The following DDX1 variants were observed in gnomAD, a reference collection of about 807,000 sequenced individuals.
DDX1 encodes the protein DEAD-box helicase 1.
In DDX1, 28 loss-of-function variants were observed where a neutral mutation model predicts 108.7. The observed-to-expected ratio is 0.26, with a 90% CI of 0.19 to 0.35. The LOEUF is 0.35. DDX1 is among the 10% of genes least tolerant of loss of function. DDX1 has a pLI of 1.00. For missense variants in DDX1, 710 were observed against 884.5 expected, an observed-to-expected ratio of 0.80 and a Z score of 2.50; for synonymous variants, 295 against 288.9, an observed-to-expected ratio of 1.02 and a Z score of -0.21.
Position 15,629,669 on chromosome 2 carries a change from G to C in DDX1, c.1943G>C (p.Gly648Ala). 6.3e-7 allele frequency: 1 copy of C among 1,587,774 alleles called. No individual in the cohort carries two copies. The highest frequency in any genetic ancestry group is 8.5e-7 in the Non-Finnish European group (1 of 1,172,420). ...CYNTRLKEDG[G>A]CTIWYNEMQL... is the part of the protein sequence containing the mutation. ...AACACAAGACTCAAGGAAGATGGAG[G>C]CTGTACCATATGGTACAACGAGATG... Residue 648 changes from glycine to alanine, a missense_variant, in exon 24 of 26, where the codon GGC becomes GCC. Coordinates refer to ENST00000233084, the MANE Select transcript of DDX1 (RefSeq NM_004939.3).
At chr2:15,627,198 T>A (rs1389946867) in intron 20 of DDX1, 53 bp downstream of exon 20, 2 of 1,046,294 alleles carry the variant, frequency 1.9e-6, no homozygotes, top group East Asian at 4.8e-5. Flanking sequence ...GCATTATATC[T>A]AGTTTTAAGC....
intron 16 of DDX1, among the ~76,000 whole-genome samples, chr2:15,619,858 C>G (rs1173536096): frequency 6.6e-6 from 1 of 152,194 alleles, no homozygotes; most frequent in South Asian, 2.1e-4. Flanking sequence ...GTTGTCTTCT[C>G]TGTAGTTATA....
intron 1 of DDX1, among the ~76,000 whole-genome samples, 177 bp from the exon 2 acceptor site, chr2:15,594,968 T>A (rs1665475386): frequency 6.6e-6 from 1 of 152,234 alleles, no homozygotes; most frequent in Admixed American, 6.5e-5. Flanking sequence ...GAACTTAGAT[T>A]TGAACTCAGG....
At chr2:15,622,141 AGTT>A (rs1171657916) in intron 18 of DDX1, among the ~76,000 whole-genome samples, 1 of 152,248 alleles carries the variant, frequency 6.6e-6, no homozygotes, top group East Asian at 1.9e-4. Flanking sequence ...GTTTTGAAAT[AGTT>A]GTTGACTTTT....
chr2:15,613,034 G>T (rs1300713604), intron 13 of DDX1, among the ~76,000 whole-genome samples, 190 bp from the exon 14 acceptor site: 1 of 151,906 alleles, frequency 6.6e-6, no homozygotes, highest in Non-Finnish European at 1.5e-5. Flanking sequence ...GAGAGGGAGA[G>T]GGGGAGGGGG....
At chr2:15,593,233 T>C (rs560669233) in intron 1 of DDX1, among the ~76,000 whole-genome samples, 1 of 152,318 alleles carries the variant, frequency 6.6e-6, no homozygotes, top group South Asian at 2.1e-4. Flanking sequence ...CATCTTCTAA[T>C]AGGATTCAAT....
chr2:15,594,691 C>T (rs981178483), intron 1 of DDX1, among the ~76,000 whole-genome samples: 4 of 152,336 alleles, frequency 2.6e-5, no homozygotes, highest in South Asian at 4.1e-4. Flanking sequence ...AGGGTATTCA[C>T]ATGGTCCTAG....
At chr2:15,599,936 T>C (rs930301753) in intron 6 of DDX1, among the ~76,000 whole-genome samples, 2 of 152,230 alleles carry the variant, frequency 1.3e-5, no homozygotes, top group Non-Finnish European at 2.9e-5. Context: ...AAAATAATTA[T>C]ATTTCATTTC....
chr2:15,606,329 G>C, intron 12 of DDX1, 65 bp downstream of exon 12: 1 of 1,168,212 alleles, frequency 8.6e-7, no homozygotes, highest in Non-Finnish European at 1.3e-6. Context: ...ACTCCAGTAA[G>C]TAAGGCGTCT....
At chr2:15,613,404 ATGTT>A in intron 14 of DDX1, 120 bp downstream of exon 14, 1 of 573,862 alleles carries the variant, frequency 1.7e-6, no homozygotes, top group Non-Finnish European at 3.0e-6. Flanking sequence ...TCAGAGGAGT[ATGTT>A]TGTTCAAAGA....
At chr2:15,603,714 T>G in intron 8 of DDX1, 100 bp from the exon 9 acceptor site, 1 of 781,142 alleles carries the variant, frequency 1.3e-6, no homozygotes, top group Non-Finnish European at 2.0e-6. Flanking sequence ...CCTGTGGGTT[T>G]ATGAAATGGA....
intron 13 of DDX1, among the ~76,000 whole-genome samples, chr2:15,612,256 G>A (rs576597323): frequency 5.9e-4 from 90 of 151,448 alleles, no homozygotes; most frequent in African/African-American, 1.7e-3. Flanking sequence ...CAGACGGGGC[G>A]GCCGGGCAGA....
At chr2:15,606,760 C>T (rs1271108752) in intron 12 of DDX1, among the ~76,000 whole-genome samples, 6 of 152,162 alleles carry the variant, frequency 3.9e-5, no homozygotes, top group Non-Finnish European at 1.5e-5. Flanking sequence ...ACTTGTTTGT[C>T]ACAAAACAAG....
Position 15,604,311 on chromosome 2 carries a change from T to A in DDX1, c.553-126T>A, listed in dbSNP as rs925129284. The A allele has an allele frequency of 1.1e-5, 7 of 657,060 alleles. No homozygotes were observed. In the African/African-American group the frequency reaches 1.1e-4, roughly 10 times the overall value. 40.7% of individuals were successfully genotyped at this position (657,060 alleles called of 1,614,324 possible). Reference sequence around the variant, plus strand: ...AATGCTTGTACTATTGTATATGTCATATGCTCTAATAGGCATTTTTGATTT... The same window carrying A: ...AATGCTTGTACTATTGTATATGTCAAATGCTCTAATAGGCATTTTTGATTT... On this transcript the variant is annotated intron_variant, in intron 9 of 25. Transcript: ENST00000233084.
At chr2:15,616,471 A>G (rs542006399) in intron 14 of DDX1, among the ~76,000 whole-genome samples, 1 of 152,334 alleles carries the variant, frequency 6.6e-6, no homozygotes, top group South Asian at 2.1e-4. Context: ...TGACTACAAG[A>G]TATGTGTGGG....
Position 15,618,248 on chromosome 2 carries a change from C to T in DDX1, c.1184C>T (p.Thr395Ile), listed in dbSNP as rs749912888. 1.9e-5 allele frequency: 30 copies of T among 1,579,414 alleles called. No homozygotes were observed. Among genetic ancestry groups the T allele is most frequent in the Non-Finnish European group, 2.6e-5 (30 of 1,153,740 alleles). ...ATGCACAATCAGATTCCTCAGGTTA[C>T]CTCTGATGGAAAAAGACTTCAGGTA... Reference protein sequence around the residue: ...NRMHNQIPQVTSDGKRLQVIV... With the variant: ...NRMHNQIPQVISDGKRLQVIV... The change falls in exon 16 of 26, where the codon ACC becomes ATC. Residue 395 changes from threonine (T) to isoleucine (I), a missense_variant. Transcript: ENST00000233084.
In DDX1 at chr2:15,597,475, A is replaced by G; in HGVS notation, c.259+4A>G. 1 of 1,558,592 alleles carries G rather than the reference A, an allele frequency of 6.4e-7. No individual in the cohort carries two copies. Among genetic ancestry groups the G allele is most frequent in the Non-Finnish European group, 8.8e-7 (1 of 1,138,492 alleles). On this transcript the variant is annotated splice_donor_region_variant and intron_variant, in intron 5 of 25. Coordinates refer to ENST00000233084, the MANE Select transcript of DDX1 (RefSeq NM_004939.3). ...ACAATTAAAACTGGTGCTTCAGGTA[A>G]TTTTTGTAAATTGATATTTCCTTTT...
At chr2:15,604,357 A>G in intron 9 of DDX1, 80 bp from the exon 10 acceptor site, 1 of 903,862 alleles carries the variant, frequency 1.1e-6, no homozygotes, top group Non-Finnish European at 1.8e-6. Flanking sequence ...TTTGAAACAC[A>G]TACTTTTGAT....
rs983398741 is a variant in DDX1 at position 15,599,590 on chromosome 2, G to T, written c.260-79G>T. 1.1e-5 allele frequency: 12 copies of T among 1,104,440 alleles called. No individual in the cohort carries two copies. In the South Asian group the frequency reaches 1.6e-4, roughly 15 times the overall value. 68.4% of individuals were successfully genotyped at this position (1,104,440 alleles called of 1,614,324 possible). ...AGCTTCCCAAAGTGCTGAGATTACAGTCGTGAGTCACCGCACCCGGCCAAG... is the reference window on the plus strand; with the variant it reads ...AGCTTCCCAAAGTGCTGAGATTACATTCGTGAGTCACCGCACCCGGCCAAG... On this transcript the variant is annotated intron_variant, in intron 5 of 25. Transcript: ENST00000233084.
Sources: allele counts gnomAD v4.1 joint callset (sites outside exome capture counted in the v4.1 genomes callset), GRCh38; gene constraint gnomAD v4.1.1; transcripts MANE v1.5; gene names NCBI Gene and HGNC (gene_info 2026-07-23, HGNC 2026-07-21).